Variants in AFG2A observed in about 807,000 individuals in gnomAD.
The protein encoded by AFG2A is ATPase family gene 2 protein homolog A.
chr4:123,284,545 G>A, the AFG2A span, among the ~76,000 whole-genome samples: 1 of 152,146 alleles, frequency 6.6e-6, no homozygotes. Flanking sequence ...GCATGATTAG[G>A]GGGTGACTTA....
At chr4:123,258,614 A>T in the AFG2A span, among the ~76,000 whole-genome samples, 1 of 152,140 alleles carries the variant, frequency 6.6e-6, no homozygotes, top group Non-Finnish European at 1.5e-5. Context: ...TAAAAATGAA[A>T]CTACTATCAA....
chr4:122,950,522 G>C, the AFG2A span, among the ~76,000 whole-genome samples: 1 of 152,042 alleles, frequency 6.6e-6, no homozygotes, highest in Non-Finnish European at 1.5e-5. Flanking sequence ...TGTATTTTTA[G>C]TAGAGACAGG....
At chr4:123,133,669 A>G in the AFG2A span, among the ~76,000 whole-genome samples, 11 of 152,144 alleles carry the variant, frequency 7.2e-5, no homozygotes, top group Non-Finnish European at 1.2e-4. Context: ...TAACCTAGAC[A>G]TTGTTTTCTT....
chr4:123,108,492 A>G, the AFG2A span, among the ~76,000 whole-genome samples: 1,583 of 152,198 alleles, frequency 0.01, 28 homozygotes, highest in Non-Finnish European at 0.013. Flanking sequence ...AATAATGTTT[A>G]CCTTTTTGTT....
the AFG2A span, among the ~76,000 whole-genome samples, chr4:123,230,975 T>A: frequency 1.3e-5 from 2 of 151,996 alleles, no homozygotes; most frequent in African/African-American, 2.4e-5. Context: ...CAAAGTGTTG[T>A]CTTGCAGGCT....
chr4:123,057,925 T>G, the AFG2A span, among the ~76,000 whole-genome samples: 1 of 152,204 alleles, frequency 6.6e-6, no homozygotes, highest in Admixed American at 6.5e-5. Context: ...TAATGTAAAT[T>G]CATGTACTTT....
chr4:123,216,791 A>G, the AFG2A span, among the ~76,000 whole-genome samples: 1 of 151,282 alleles, frequency 6.6e-6, no homozygotes, highest in African/African-American at 2.4e-5. Context: ...AGTAGCTGGG[A>G]CTGCAGGTGC....
the AFG2A span, among the ~76,000 whole-genome samples, chr4:123,049,919 T>C: frequency 3.3e-5 from 5 of 152,156 alleles, no homozygotes; most frequent in African/African-American, 1.2e-4. Flanking sequence ...TTCTTTGAAG[T>C]CTTCATATTT....
chr4:122,984,813 G>A, the AFG2A span, among the ~76,000 whole-genome samples: 6,196 of 152,232 alleles, frequency 0.041, 403 homozygotes, highest in African/African-American at 0.14. Context: ...CTTGATCATG[G>A]TGGATTATCT....
the AFG2A span, among the ~76,000 whole-genome samples, chr4:123,233,717 GTA>G: frequency 2.2e-4 from 33 of 149,672 alleles, no homozygotes; most frequent in African/African-American, 6.3e-4. Flanking sequence ...ATACATGGGT[GTA>G]TGTGTGTGTG....
the AFG2A span, chr4:122,923,105 C>G: frequency 1.2e-6 from 2 of 1,611,138 alleles, no homozygotes; most frequent in Admixed American, 3.4e-5. Flanking sequence ...CACATTGAGT[C>G]GGCTTTTCTA....
At chr4:122,934,214 G>A in the AFG2A span, 2 of 1,614,196 alleles carry the variant, frequency 1.2e-6, no homozygotes, top group Non-Finnish European at 1.7e-6. Context: ...GGGCCTCAGA[G>A]TGACTCTGAC....
chr4:123,035,228 T>G, the AFG2A span, among the ~76,000 whole-genome samples: 4 of 152,230 alleles, frequency 2.6e-5, no homozygotes, highest in Non-Finnish European at 5.9e-5. Flanking sequence ...GCTTCCAGTT[T>G]AGTCTCACCA....
the AFG2A span, among the ~76,000 whole-genome samples, chr4:123,144,077 G>T: frequency 3.9e-5 from 6 of 151,938 alleles, no homozygotes; most frequent in African/African-American, 1.4e-4. Context: ...GAATTAACTT[G>T]TGTGGTATAC....
At chr4:123,143,340 T>C in the AFG2A span, among the ~76,000 whole-genome samples, 2 of 152,096 alleles carry the variant, frequency 1.3e-5, no homozygotes, top group Non-Finnish European at 2.9e-5. Flanking sequence ...TCAGCAGTCG[T>C]CGCTATTACA....
At chr4:123,070,143 G>A in the AFG2A span, among the ~76,000 whole-genome samples, 1 of 151,988 alleles carries the variant, frequency 6.6e-6, no homozygotes, top group Non-Finnish European at 1.5e-5. Flanking sequence ...GCTCTTTTCA[G>A]CAAATATTTA....
chr4:122,987,250 CTT>C, the AFG2A span, among the ~76,000 whole-genome samples: 1 of 152,068 alleles, frequency 6.6e-6, no homozygotes, highest in African/African-American at 2.4e-5. Flanking sequence ...TCTTCAGACT[CTT>C]TAAGAACACA....
At chr4:123,183,065 A>G in the AFG2A span, among the ~76,000 whole-genome samples, 1 of 152,330 alleles carries the variant, frequency 6.6e-6, no homozygotes. Context: ...TTATTAAATC[A>G]GAATCTTGGA....
chr4:123,204,382 T>TG, the AFG2A span, among the ~76,000 whole-genome samples: 1 of 152,244 alleles, frequency 6.6e-6, no homozygotes, highest in Admixed American at 6.5e-5. Flanking sequence ...TCTACATCCC[T>TG]GCCAGCATTT....
Sources: allele counts gnomAD v4.1 joint callset (sites outside exome capture counted in the v4.1 genomes callset), GRCh38; gene constraint gnomAD v4.1.1; transcripts MANE v1.5; gene names NCBI Gene and HGNC (gene_info 2026-07-23, HGNC 2026-07-21).